Variants in GLRB observed in about 807,000 individuals in gnomAD.
The protein encoded by GLRB is glycine receptor beta.
A neutral mutation model predicts 54.2 loss-of-function variants in GLRB; 33 were observed. The ratio of observed to expected loss-of-function variants is 0.61; its 90% CI spans 0.46 to 0.81. The LOEUF is 0.81. Ranked by LOEUF, GLRB falls within the 40% of genes least tolerant of loss-of-function variation. The pLI is 0.00. For synonymous variants in GLRB, 209 were observed against 208.2 expected, an observed-to-expected ratio of 1.00 and a Z score of -0.03; for missense variants, 572 against 584.6, an observed-to-expected ratio of 0.98 and a Z score of 0.22.
chr4:157,139,494 A>G (rs1736533405), intron 7 of GLRB, among the ~76,000 whole-genome samples: 1 of 152,076 alleles, frequency 6.6e-6, no homozygotes, highest in African/African-American at 2.4e-5. Flanking sequence ...CAATTATGAA[A>G]AGGAAAACAA....
intron 8 of GLRB, among the ~76,000 whole-genome samples, chr4:157,151,653 T>C (rs916849989): frequency 2.6e-5 from 4 of 152,082 alleles, no homozygotes; most frequent in Non-Finnish European, 4.4e-5. Flanking sequence ...AATGATGCAA[T>C]TGATATATTT....
intron 9 of GLRB, among the ~76,000 whole-genome samples, chr4:157,159,351 A>T (rs1737374029): frequency 6.6e-6 from 1 of 152,130 alleles, no homozygotes; most frequent in South Asian, 2.1e-4. Context: ...TGCCTTGGCC[A>T]GAACTTCCAA....
intron 2 of GLRB, among the ~76,000 whole-genome samples, chr4:157,090,630 AT>A (rs1734576253): frequency 6.6e-6 from 1 of 152,198 alleles, no homozygotes; most frequent in South Asian, 2.1e-4. Flanking sequence ...ATCATTGAAC[AT>A]TTTGTCCTCT....
chr4:157,101,663 A>G lies in GLRB; in HGVS notation c.123-18893A>G, dbSNP rs182359615. On this transcript the variant is annotated intron_variant, in intron 2 of 9. Transcript: ENST00000264428. ...TTTTTCGAGTTTTTCCTTCAACTGC[A>G]TCTTCTGTAGTATACTTAGGTTTTC... Among the ~76,000 whole-genome samples the G allele has an allele frequency of 5.6e-3, 852 of 152,166 alleles. 9 individuals carry two copies. The highest frequency in any genetic ancestry group is 8.6e-3 in the Non-Finnish European group (587 of 67,974).
intron 8 of GLRB, among the ~76,000 whole-genome samples, chr4:157,145,739 G>T (rs1372298533): frequency 6.6e-6 from 1 of 152,216 alleles, no homozygotes; most frequent in African/African-American, 2.4e-5. Context: ...AAGTTTGGAG[G>T]TAGCAAACTG....
chr4:157,138,216 C>T (rs959614933), intron 6 of GLRB, among the ~76,000 whole-genome samples: 6 of 152,044 alleles, frequency 3.9e-5, no homozygotes, highest in Non-Finnish European at 8.8e-5. Context: ...AGATCACATG[C>T]GTCCACCACC....
At chr4:157,147,114 G>T (rs1736841336) in intron 8 of GLRB, among the ~76,000 whole-genome samples, 1 of 152,130 alleles carries the variant, frequency 6.6e-6, no homozygotes. Context: ...GGATATGCAA[G>T]TCTGGGTTTA....
chr4:157,150,876 C>T (rs1434352176), intron 8 of GLRB, among the ~76,000 whole-genome samples: 3 of 151,850 alleles, frequency 2.0e-5, no homozygotes, highest in Non-Finnish European at 2.9e-5. Context: ...TACTTTGTTT[C>T]CCCAACTACT....
intron 4 of GLRB, among the ~76,000 whole-genome samples, chr4:157,132,354 T>C (rs1236787877): frequency 1.3e-5 from 2 of 151,862 alleles, no homozygotes; most frequent in Admixed American, 6.6e-5. Flanking sequence ...CCTGAATTAT[T>C]TGGGCCATTT....
At position 157,101,231 on chromosome 4, in the gene GLRB, T is replaced by C. The variant is rs115709514; in HGVS notation, c.123-19325T>C. ...ACTAACAGTACTGAATACTGTATCA[T>C]AATATATTTAAAATAAATTTTAAAA... On this transcript the variant is annotated intron_variant, in intron 2 of 9. Coordinates refer to ENST00000264428, the MANE Select transcript of GLRB (RefSeq NM_000824.5). Among the ~76,000 whole-genome samples the C allele has an allele frequency of 8.2e-3, 1,247 of 152,228 alleles. 15 individuals are homozygous for C. The highest frequency in any genetic ancestry group is 0.013 in the Non-Finnish European group (915 of 67,992).
chr4:157,095,157 T>C (rs974541363), intron 2 of GLRB, among the ~76,000 whole-genome samples: 1 of 152,030 alleles, frequency 6.6e-6, no homozygotes, highest in Non-Finnish European at 1.5e-5. Context: ...TATGGCAGGC[T>C]TTATGTGTTC....
At chr4:157,102,370 A>G (rs556834096) in intron 2 of GLRB, among the ~76,000 whole-genome samples, 1 of 152,076 alleles carries the variant, frequency 6.6e-6, no homozygotes, top group East Asian at 1.9e-4. Flanking sequence ...TCTGCAAACC[A>G]CCATTCTGCT....
intron 7 of GLRB, among the ~76,000 whole-genome samples, chr4:157,141,881 G>C (rs964979468): frequency 6.6e-6 from 1 of 152,010 alleles, no homozygotes; most frequent in Admixed American, 6.6e-5. Context: ...CATGTGAATG[G>C]ACTATCATTT....
intron 2 of GLRB, among the ~76,000 whole-genome samples, chr4:157,089,690 C>G (rs766495763): frequency 2.6e-5 from 4 of 152,124 alleles, no homozygotes; most frequent in Non-Finnish European, 4.4e-5. Context: ...CTTTTAGCTT[C>G]TTGCTTATCA....
chr4:157,136,664 A>G lies in GLRB; in HGVS notation c.493A>G (p.Ile165Val). The G allele has an allele frequency of 1.2e-6, 2 of 1,610,646 alleles. No individual in the cohort carries two copies. Among genetic ancestry groups the G allele is most frequent in the Non-Finnish European group, 1.7e-6 (2 of 1,177,190 alleles). The change falls in exon 5 of 10, where the codon ATT becomes GTT. Residue 165 changes from isoleucine (I) to valine (V), a missense_variant. Coordinates refer to ENST00000264428, the MANE Select transcript of GLRB (RefSeq NM_000824.5). Reference sequence around the variant, plus strand: ...GACCCAGGAAAACATCCTCCTCTTTATTTTTCGTGATGGAGATGTCCTTGT... The same window carrying G: ...GACCCAGGAAAACATCCTCCTCTTTGTTTTTCGTGATGGAGATGTCCTTGT... The part of the protein sequence containing the change: ...DVTQENILLF[I>V]FRDGDVLVSM...
chr4:157,152,873 C>T lies in GLRB; in HGVS notation c.1060C>T (p.Leu354=). Residue 354 remains leucine, a synonymous_variant, in exon 9 of 10, where the codon CTG becomes TTG. Transcript: ENST00000264428. The part of the protein sequence containing the change: ...LVEYAVVQVM[L]NNPKRVEAEK... The stretch of plus-strand genomic sequence containing the variant: ...GGAGTATGCAGTTGTCCAGGTGATG[C>T]TGAACAACCCCAAAAGGGTTGAAGC... 1 of 1,613,986 alleles carries T rather than the reference C, an allele frequency of 6.2e-7. No homozygotes were observed. The highest frequency in any genetic ancestry group is 1.3e-5 in the African/African-American group (1 of 74,978).
At chr4:157,101,129 C>T (rs967234659) in intron 2 of GLRB, among the ~76,000 whole-genome samples, 2 of 151,844 alleles carry the variant, frequency 1.3e-5, no homozygotes, top group African/African-American at 4.8e-5. Context: ...GAACATTTTC[C>T]CCCAAAAGCA....
In GLRB at chr4:157,116,422, C is replaced by T. The variant is rs192252985; in HGVS notation, c.123-4134C>T. ...TAAAACAAAATAGCATAGTCAAATG[C>T]ATAAAACATTGGACTGAGATTCAGA... is the stretch of plus-strand genomic sequence containing the variant. On this transcript the variant is annotated intron_variant, in intron 2 of 9. Coordinates refer to ENST00000264428, the MANE Select transcript of GLRB (RefSeq NM_000824.5). 1.8e-4 allele frequency among the ~76,000 whole-genome samples: 28 copies of T among 151,704 alleles called. No individual in the cohort carries two copies. The East Asian group carries it at 5.5e-3, about 30-fold the overall frequency.
chr4:157,126,792 T>G (rs542664874), intron 4 of GLRB, among the ~76,000 whole-genome samples: 1 of 152,018 alleles, frequency 6.6e-6, no homozygotes, highest in African/African-American at 2.4e-5. Flanking sequence ...TAGGGAAAAC[T>G]GGGTATTATC....
Sources: gnomAD v4.1 joint callset for allele counts (sites outside exome capture counted in the v4.1 genomes callset) on GRCh38, gnomAD v4.1.1 for gene constraint, MANE v1.5 for transcripts, NCBI Gene and HGNC (gene_info 2026-07-23, HGNC 2026-07-21) for gene names.